The following RORA variants were observed in gnomAD, a reference collection of about 807,000 sequenced individuals.
RORA encodes nuclear receptor ROR-alpha.
A neutral mutation model predicts 69.5 loss-of-function variants in RORA; 7 were observed. That is an observed-to-expected ratio of 0.10 (90% confidence interval 0.06 to 0.19). The LOEUF is 0.19. Among genes scored for constraint, RORA ranks in the 10% least tolerant of loss-of-function variants. The probability of loss-of-function intolerance (pLI) is 1.00; values close to 1 mark genes in which losing one functional copy is unlikely to be tolerated. For missense variants in RORA, 457 were observed against 663.0 expected, an observed-to-expected ratio of 0.69 and a Z score of 3.41; for synonymous variants, 261 against 240.8, an observed-to-expected ratio of 1.08 and a Z score of -0.78.
At chr15:60,968,322 G>A (rs1483920172) in intron 1 of RORA, among the ~76,000 whole-genome samples, 1 of 152,302 alleles carries the variant, frequency 6.6e-6, no homozygotes, top group East Asian at 1.9e-4. Flanking sequence ...TTAAACATAC[G>A]CATGCACCAA....
At chr15:60,525,729 A>T (rs1036235312) in intron 3 of RORA, among the ~76,000 whole-genome samples, 12 of 152,220 alleles carry the variant, frequency 7.9e-5, no homozygotes, top group African/African-American at 2.9e-4. Context: ...AAGTGGGTGT[A>T]TGTCTACCTT....
chr15:61,023,206 A>C (rs1489404769), intron 1 of RORA, among the ~76,000 whole-genome samples: 4 of 151,104 alleles, frequency 2.6e-5, no homozygotes, highest in African/African-American at 9.7e-5. Context: ...AAAAAAAAAA[A>C]AAAAACTGAC....
At position 61,189,503 on chromosome 15, in the gene RORA, T is replaced by A. The variant is rs184221654; in HGVS notation, c.166+39550A>T. Among the ~76,000 whole-genome samples the A allele has an allele frequency of 2.8e-3, 420 of 152,136 alleles. 1 individual carries two copies. Among genetic ancestry groups the A allele is most frequent in the Middle Eastern group, 6.8e-3 (2 of 294 alleles). On this transcript the variant is annotated intron_variant, in intron 1 of 10. Transcript: ENST00000335670. ...AAGGAGCCCTGTGGGGCCAGCACAA[T>A]GTCAATATCCCAGCAAGAAGGAGGG...
At chr15:60,883,800 C>T (rs1351083441) in intron 1 of RORA, among the ~76,000 whole-genome samples, 1 of 152,098 alleles carries the variant, frequency 6.6e-6, no homozygotes, top group Non-Finnish European at 1.5e-5. Context: ...AAATGGAGTA[C>T]AAAAGAGTAT....
chr15:61,188,493 T>A (rs995847847), intron 1 of RORA, among the ~76,000 whole-genome samples: 2 of 152,124 alleles, frequency 1.3e-5, no homozygotes, highest in African/African-American at 4.8e-5. Context: ...TTTTAAAAAT[T>A]CTAATGGAAA....
intron 5 of RORA, 29 bp from the exon 6 acceptor site, chr15:60,505,658 C>T (rs201885106): frequency 2.4e-5 from 39 of 1,608,188 alleles, no homozygotes; most frequent in Admixed American, 8.4e-5. Context: ...ATCACAAACA[C>T]GAAAAGCGAA....
intron 1 of RORA, among the ~76,000 whole-genome samples, chr15:61,109,874 G>T (rs1187231287): frequency 6.6e-6 from 1 of 152,136 alleles, no homozygotes; most frequent in South Asian, 2.1e-4. Context: ...GGCATTCTAA[G>T]TACTAATATG....
At chr15:60,940,814 C>G (rs755743668) in intron 1 of RORA, among the ~76,000 whole-genome samples, 2 of 152,180 alleles carry the variant, frequency 1.3e-5, no homozygotes, top group Non-Finnish European at 2.9e-5. Context: ...GTAGTCCCAG[C>G]TACTCGGGAG....
At chr15:61,153,843 T>G (rs2079419699) in intron 1 of RORA, among the ~76,000 whole-genome samples, 1 of 152,194 alleles carries the variant, frequency 6.6e-6, no homozygotes, top group Middle Eastern at 3.2e-3. Context: ...CACAATGACA[T>G]GGAGGCCCAG....
At chr15:60,619,579 T>C (rs2069348475) in intron 2 of RORA, among the ~76,000 whole-genome samples, 3 of 152,210 alleles carry the variant, frequency 2.0e-5, no homozygotes. Context: ...CCTGTAACAC[T>C]AAACACATTA....
intron 1 of RORA, among the ~76,000 whole-genome samples, chr15:60,913,039 A>C (rs1200022887): frequency 2.0e-5 from 3 of 152,212 alleles, no homozygotes; most frequent in Non-Finnish European, 4.4e-5. Flanking sequence ...TGCTTTGAAA[A>C]GGTATCACTG....
intron 1 of RORA, among the ~76,000 whole-genome samples, chr15:61,053,782 G>A (rs1345839677): frequency 1.4e-5 from 2 of 140,718 alleles, no homozygotes; most frequent in Non-Finnish European, 3.1e-5. Context: ...GTTAACGTTG[G>A]GCATAGGTTC....
At chr15:60,973,483 G>T (rs1047679998) in intron 1 of RORA, among the ~76,000 whole-genome samples, 1 of 152,146 alleles carries the variant, frequency 6.6e-6, no homozygotes, top group Non-Finnish European at 1.5e-5. Context: ...AGCAGCCTTC[G>T]CCCAGTGCTC....
At chr15:61,139,308 C>A (rs549750782) in intron 1 of RORA, among the ~76,000 whole-genome samples, 4 of 152,282 alleles carry the variant, frequency 2.6e-5, no homozygotes, top group Non-Finnish European at 5.9e-5. Context: ...AGCTACCTCA[C>A]CAATCACCAT....
intron 1 of RORA, among the ~76,000 whole-genome samples, chr15:61,004,680 A>C (rs1894857455): frequency 6.6e-6 from 1 of 152,238 alleles, no homozygotes; most frequent in Non-Finnish European, 1.5e-5. Flanking sequence ...TGCCTCCTGC[A>C]GAAAACAGAG....
At chr15:60,604,907 C>T (rs1202441178) in intron 2 of RORA, among the ~76,000 whole-genome samples, 1 of 152,158 alleles carries the variant, frequency 6.6e-6, no homozygotes, top group Non-Finnish European at 1.5e-5. Context: ...ATCTGGCACA[C>T]TGTTGATACC....
chr15:60,821,118 T>A (rs1460505088), intron 1 of RORA, among the ~76,000 whole-genome samples: 1 of 152,142 alleles, frequency 6.6e-6, no homozygotes, highest in Non-Finnish European at 1.5e-5. Flanking sequence ...TGGCCAACAT[T>A]GGCTCCTTCC....
At chr15:60,859,655 C>CTT (rs71122880) in intron 1 of RORA, among the ~76,000 whole-genome samples, 2,279 of 101,472 alleles carry the variant, frequency 0.022, 50 homozygotes, top group Middle Eastern at 0.053. Context: ...TTCTTTCTTT[C>CTT]TTTTTTTTTT....
chr15:61,203,923 A>C (rs1445878733), intron 1 of RORA, among the ~76,000 whole-genome samples: 1 of 152,232 alleles, frequency 6.6e-6, no homozygotes, highest in Admixed American at 6.5e-5. Context: ...GTGGAGAATG[A>C]GTTTTGTTCA....
Sources: gnomAD v4.1 joint callset for allele counts (sites outside exome capture counted in the v4.1 genomes callset) on GRCh38, gnomAD v4.1.1 for gene constraint, MANE v1.5 for transcripts, NCBI Gene and HGNC (gene_info 2026-07-23, HGNC 2026-07-21) for gene names.